TFB1M: variants seen among roughly 807,000 people sequenced by gnomAD.
The protein encoded by TFB1M is dimethyladenosine transferase 1, mitochondrial.
In TFB1M, 27 loss-of-function variants were observed where a neutral mutation model predicts 31.1. The observed-to-expected ratio is 0.87, with a 90% CI of 0.64 to 1.20. The LOEUF (loss-of-function observed/expected upper bound fraction) is 1.20, where lower values mean the gene tolerates loss of function less well. TFB1M is among the 50% of genes most tolerant of loss of function. The pLI is 0.00. For missense variants in TFB1M, 394 were observed against 418.7 expected, an observed-to-expected ratio of 0.94 and a Z score of 0.51; for synonymous variants, 166 against 151.8, an observed-to-expected ratio of 1.09 and a Z score of -0.69.
chr6:155,250,895 C>T, the TFB1M span: 1 of 1,610,956 alleles, frequency 6.2e-7, no homozygotes, highest in Non-Finnish European at 8.5e-7. Context: ...TTCCTTACCT[C>T]CTGTTTTTAC....
intron 5 of TFB1M, among the ~76,000 whole-genome samples, chr6:155,262,062 G>A (rs371668057): frequency 3.9e-5 from 6 of 152,134 alleles, no homozygotes; most frequent in East Asian, 1.9e-4. Flanking sequence ...TTAACAAAAC[G>A]CACCATAGAA....
At chr6:155,269,913 C>A (rs1784844650) in intron 5 of TFB1M, among the ~76,000 whole-genome samples, 1 of 152,178 alleles carries the variant, frequency 6.6e-6, no homozygotes, top group African/African-American at 2.4e-5. Context: ...TACTATGTGC[C>A]AGGCACTGAT....
At chr6:155,242,508 C>T in the TFB1M span, among the ~76,000 whole-genome samples, 2 of 152,146 alleles carry the variant, frequency 1.3e-5, no homozygotes, top group African/African-American at 2.4e-5. Context: ...TGAAAGCATC[C>T]GTGTCACAGG....
At chr6:155,270,965 G>C (rs1188279189) in intron 5 of TFB1M, among the ~76,000 whole-genome samples, 1 of 152,186 alleles carries the variant, frequency 6.6e-6, no homozygotes, top group Admixed American at 6.5e-5. Flanking sequence ...ACGACTTAGA[G>C]AGCTAAGACT....
the TFB1M span, among the ~76,000 whole-genome samples, chr6:155,234,019 T>C: frequency 6.7e-6 from 1 of 149,910 alleles, no homozygotes; most frequent in Non-Finnish European, 1.5e-5. Flanking sequence ...GGGGTTGGGG[T>C]TCAATATCAT....
intron 4 of TFB1M, among the ~76,000 whole-genome samples, chr6:155,286,574 C>A (rs1380103335): frequency 7.2e-6 from 1 of 139,566 alleles, no homozygotes; most frequent in Non-Finnish European, 1.5e-5. Context: ...TATATATATA[C>A]ATGTGTATAT....
intron 4 of TFB1M, among the ~76,000 whole-genome samples, chr6:155,286,499 G>A (rs1335639562): frequency 7.2e-6 from 1 of 139,330 alleles, no homozygotes; most frequent in Non-Finnish European, 1.5e-5. Flanking sequence ...ATATATATGT[G>A]TGTATATATA....
intron 2 of TFB1M, among the ~76,000 whole-genome samples, chr6:155,305,196 T>A (rs1487073671): frequency 1.5e-5 from 1 of 68,932 alleles, no homozygotes; most frequent in Non-Finnish European, 2.3e-5. Context: ...AATTATATAT[T>A]TATATATATA....
At position 155,269,324 on chromosome 6, in the gene TFB1M, C is replaced by CTTTTTT. The variant is rs60162262; in HGVS notation, c.667-8930_667-8925dup. On this transcript the variant is annotated intron_variant, in intron 5 of 6. Coordinates refer to ENST00000367166, the MANE Select transcript of TFB1M (RefSeq NM_016020.4). ...GCTTAGTTTTCTTTTCTTTTCTTTT[C>CTTTTTT]TTTTTTTTTTTTTTTGAGATGGAGT... is the stretch of plus-strand genomic sequence containing the variant. Among the ~76,000 whole-genome samples the CTTTTTT allele has an allele frequency of 1.7e-4, 21 of 127,236 alleles. 1 individual carries two copies. The highest frequency in any genetic ancestry group is 2.4e-4 in the African/African-American group (8 of 33,588). The allele number at this position is 127,236 out of a possible 152,430, so 83.5% of individuals were successfully genotyped here.
chr6:155,281,375 C>T (rs998322097), intron 5 of TFB1M, among the ~76,000 whole-genome samples: 1 of 152,168 alleles, frequency 6.6e-6, no homozygotes, highest in Non-Finnish European at 1.5e-5. Context: ...GAACCCGTTA[C>T]AACTCTCATA....
chr6:155,310,275 T>C (rs1244844146), intron 2 of TFB1M, among the ~76,000 whole-genome samples: 1 of 152,182 alleles, frequency 6.6e-6, no homozygotes, highest in African/African-American at 2.4e-5. Flanking sequence ...TCAGGACTCT[T>C]TTAAAATTTT....
At chr6:155,254,731 A>C, downstream of TFB1M, 1 of 929,468 alleles carries the variant, frequency 1.1e-6, no homozygotes, top group African/African-American at 1.7e-5. Flanking sequence ...TTGCTCCCAG[A>C]CGTTCTACTG....
the TFB1M span, chr6:155,245,568 C>T: frequency 7.0e-7 from 1 of 1,429,916 alleles, no homozygotes; most frequent in South Asian, 1.2e-5. Context: ...ATGCCATAAG[C>T]CAGCACGCAT....
At chr6:155,314,223 C>T in intron 1 of TFB1M, 73 bp downstream of exon 1, 1 of 1,588,986 alleles carries the variant, frequency 6.3e-7, no homozygotes, top group South Asian at 1.1e-5. Flanking sequence ...CCCGCGGGGA[C>T]GTGCAAGACC....
chr6:155,312,026 G>C (rs1278785509), intron 1 of TFB1M, among the ~76,000 whole-genome samples: 1 of 151,982 alleles, frequency 6.6e-6, no homozygotes, highest in African/African-American at 2.4e-5. Context: ...ATCATAAAAA[G>C]GTAGAGTACT....
intron 4 of TFB1M, among the ~76,000 whole-genome samples, chr6:155,287,664 G>C (rs1339449276): frequency 6.6e-6 from 1 of 151,850 alleles, no homozygotes; most frequent in African/African-American, 2.4e-5. Context: ...ACAACTCATA[G>C]AAGGGAAAGA....
intron 2 of TFB1M, among the ~76,000 whole-genome samples, chr6:155,304,312 C>A (rs929670705): frequency 3.9e-5 from 6 of 151,926 alleles, no homozygotes; most frequent in Non-Finnish European, 8.8e-5. Context: ...AAACCAAAGG[C>A]AATACTAACA....
chr6:155,280,765 T>C (rs1016523189), intron 5 of TFB1M, among the ~76,000 whole-genome samples: 2 of 152,178 alleles, frequency 1.3e-5, no homozygotes, highest in African/African-American at 2.4e-5. Context: ...TGAAAAACAG[T>C]TGTCTCTTCT....
In TFB1M at chr6:155,285,167, G is replaced by C. The variant is rs1562406133; in HGVS notation, c.657C>G (p.Pro219=). 1 of 1,613,892 alleles carries C rather than the reference G, an allele frequency of 6.2e-7. No homozygotes were observed. The highest frequency in any genetic ancestry group is 1.7e-5 in the Admixed American group (1 of 60,022). Residue 219 remains proline, a synonymous_variant, in exon 5 of 7, where the codon CCC becomes CCG. Coordinates refer to ENST00000367166, the MANE Select transcript of TFB1M (RefSeq NM_016020.4). ...IFTIPGQAFV[P]KPEVDVGVVH... is the part of the protein sequence containing the mutation. ...ATAAGCAGAAACTTACCTCTGGTTT[G>C]GGGACAAAAGCTTGTCCTGGAATCG...
Sources: allele counts gnomAD v4.1 joint callset (sites outside exome capture counted in the v4.1 genomes callset), GRCh38; gene constraint gnomAD v4.1.1; transcripts MANE v1.5; gene names NCBI Gene and HGNC (gene_info 2026-07-23, HGNC 2026-07-21).